Variants in CATSPERB observed in about 807,000 individuals in gnomAD.
CATSPERB encodes catsper channel auxiliary subunit beta, also known as cation channel sperm-associated auxiliary subunit beta.
A neutral mutation model predicts 128.3 loss-of-function variants in CATSPERB; 93 were observed. That is an observed-to-expected ratio of 0.72 (90% confidence interval 0.61 to 0.86). CATSPERB has a LOEUF of 0.86. Ranked by LOEUF, CATSPERB falls within the 40% of genes least tolerant of loss-of-function variation. CATSPERB has a pLI of 0.00. For missense variants in CATSPERB, 1,153 were observed against 1,329.5 expected, an observed-to-expected ratio of 0.87 and a Z score of 2.06; for synonymous variants, 381 against 448.8, an observed-to-expected ratio of 0.85 and a Z score of 1.91.
chr14:91,601,584 A>C (rs1373054890), intron 22 of CATSPERB, among the ~76,000 whole-genome samples: 8 of 152,184 alleles, frequency 5.3e-5, no homozygotes, highest in African/African-American at 1.7e-4. Flanking sequence ...GGTTGAGTTT[A>C]ATAGTACAGG....
intron 5 of CATSPERB, among the ~76,000 whole-genome samples, chr14:91,715,612 A>T (rs1895925994): frequency 6.6e-6 from 1 of 152,032 alleles, no homozygotes; most frequent in Non-Finnish European, 1.5e-5. Context: ...CTATAGATTC[A>T]ATGCAATACA....
chr14:91,592,161 A>G (rs1893418487), intron 22 of CATSPERB, 159 bp from the exon 23 acceptor site: 2 of 631,396 alleles, frequency 3.2e-6, no homozygotes, highest in East Asian at 2.8e-5. Context: ...GAATAGAAGT[A>G]CAGTATTTCT....
chr14:91,650,701 C>CATCCATCT (rs1452324946), intron 15 of CATSPERB, among the ~76,000 whole-genome samples: 2 of 151,614 alleles, frequency 1.3e-5, no homozygotes, highest in Admixed American at 1.3e-4. Context: ...TCCATCCATC[C>CATCCATCT]ATCCATCCAC....
intron 20 of CATSPERB, among the ~76,000 whole-genome samples, chr14:91,613,225 CAAATT>C (rs1265667866): frequency 1.3e-5 from 2 of 151,818 alleles, no homozygotes; most frequent in African/African-American, 4.8e-5. Context: ...ACAAACAAAA[CAAATT>C]AAATAGGGAT....
At chr14:91,724,520 T>C (rs2139781787) in intron 3 of CATSPERB, among the ~76,000 whole-genome samples, 1 of 152,306 alleles carries the variant, frequency 6.6e-6, no homozygotes, top group South Asian at 2.1e-4. Flanking sequence ...TTTTATTATA[T>C]ATATTTATCA....
rs561501893 is a variant in CATSPERB, at chr14:91,589,633, C to G, written c.2857G>C (p.Val953Leu). The G allele has an allele frequency of 6.2e-7, 1 of 1,613,656 alleles. No individual in the cohort carries two copies. The highest frequency in any genetic ancestry group is 1.3e-5 in the African/African-American group (1 of 75,026). The change falls in exon 24 of 27, where the codon GTT (valine) becomes CTT (leucine). Residue 953 changes from valine (V) to leucine (L), a missense_variant. Physicochemically the swap from Val to Leu is conservative, Grantham distance 32. Transcript: ENST00000256343. ...RFKFPITQYP[V>L]SLEIINEDGR... ...TCCTCGTTGATAATTTCCAAAGAAA[C>G]TGGATATTGTGTAATTGGAAACTTA...
intron 22 of CATSPERB, chr14:91,605,271 A>G: frequency 9.4e-6 from 11 of 1,172,392 alleles, no homozygotes; most frequent in Non-Finnish European, 1.4e-5. Flanking sequence ...TTACAGACGG[A>G]TGCGTTGGAG....
intron 13 of CATSPERB, among the ~76,000 whole-genome samples, 166 bp downstream of exon 13, chr14:91,672,701 A>G (rs2139831607): frequency 6.6e-6 from 1 of 152,374 alleles, no homozygotes; most frequent in East Asian, 1.9e-4. Context: ...CCAGGTGAGA[A>G]ATCTCTAAAG....
intron 19 of CATSPERB, among the ~76,000 whole-genome samples, chr14:91,621,015 A>G (rs1466777985): frequency 1.3e-5 from 2 of 152,372 alleles, no homozygotes; most frequent in East Asian, 1.9e-4. Flanking sequence ...TTCTGTGTCA[A>G]CTTGGGCTGG....
At chr14:91,661,822 C>T (rs1447579600) in intron 14 of CATSPERB, among the ~76,000 whole-genome samples, 1 of 152,200 alleles carries the variant, frequency 6.6e-6, no homozygotes, top group African/African-American at 2.4e-5. Context: ...CTGCATCTAG[C>T]CACATTTCTA....
intron 16 of CATSPERB, among the ~76,000 whole-genome samples, chr14:91,638,083 C>T (rs1226372380): frequency 6.6e-6 from 1 of 152,058 alleles, no homozygotes; most frequent in Non-Finnish European, 1.5e-5. Flanking sequence ...GCAGCCTTGG[C>T]CTGGTAATTG....
chr14:91,718,194 G>A (rs545728198), intron 5 of CATSPERB, among the ~76,000 whole-genome samples: 1 of 152,230 alleles, frequency 6.6e-6, no homozygotes, highest in East Asian at 1.9e-4. Context: ...TCGAAAATAA[G>A]TACAGTTTTC....
chr14:91,669,260 A>G (rs1297947222), intron 14 of CATSPERB, among the ~76,000 whole-genome samples: 1 of 152,174 alleles, frequency 6.6e-6, no homozygotes. Context: ...CTTAGTTCCA[A>G]AGTTTGCTTA....
intron 22 of CATSPERB, among the ~76,000 whole-genome samples, chr14:91,593,522 C>T (rs1893448070): frequency 6.6e-6 from 1 of 152,198 alleles, no homozygotes; most frequent in East Asian, 1.9e-4. Flanking sequence ...GGATTTTGGA[C>T]CTGCATGGAT....
chr14:91,617,601 T>C lies in CATSPERB; in HGVS notation c.2396A>G (p.His799Arg), dbSNP rs773983441. Reference protein sequence around the residue: ...ITISAASKVLHQGSTSLAFIM... With the variant: ...ITISAASKVLRQGSTSLAFIM... The stretch of plus-strand genomic sequence containing the variant: ...TGTAAATGAAGAAAATCCTACCTGA[T>C]GTAAAACTTTGCTAGCTGCAGAAAT... The change falls in exon 20 of 27, where the codon CAT becomes CGT. Residue 799 changes from histidine to arginine, a missense_variant. Transcript: ENST00000256343. 4.4e-6 allele frequency: 7 copies of C among 1,579,798 alleles called. No homozygotes were observed. Among genetic ancestry groups the C allele is most frequent in the East Asian group, 2.3e-5 (1 of 43,488 alleles).
chr14:91,639,391 T>G (rs1212742545), intron 15 of CATSPERB, 141 bp from the exon 16 acceptor site: 1 of 658,946 alleles, frequency 1.5e-6, no homozygotes, highest in Non-Finnish European at 2.5e-6. Context: ...GGAAAATGCA[T>G]GTTAGTTTTT....
chr14:91,639,033 T>C, intron 16 of CATSPERB, 63 bp downstream of exon 16: 3 of 1,360,170 alleles, frequency 2.2e-6, no homozygotes, highest in Non-Finnish European at 3.1e-6. Context: ...CATTATTCTA[T>C]GTATTGAATG....
chr14:91,587,936 T>A (rs369065234), intron 25 of CATSPERB, 42 bp downstream of exon 25: 1 of 1,265,660 alleles, frequency 7.9e-7, no homozygotes, highest in Non-Finnish European at 1.1e-6. Flanking sequence ...ATACATGTTT[T>A]ATCTAAACTC....
At chr14:91,729,595 A>C (rs1372931104) in intron 1 of CATSPERB, 116 bp from the exon 2 acceptor site, 1 of 519,036 alleles carries the variant, frequency 1.9e-6, no homozygotes, top group Non-Finnish European at 3.4e-6. Context: ...TTAATATTTC[A>C]CACTGTGTGA....
Sources: gnomAD v4.1 joint callset for allele counts (sites outside exome capture counted in the v4.1 genomes callset) on GRCh38, gnomAD v4.1.1 for gene constraint, MANE v1.5 for transcripts, NCBI Gene and HGNC (gene_info 2026-07-23, HGNC 2026-07-21) for gene names.